The following SUCLA2 variants were observed in gnomAD, a reference collection of about 807,000 sequenced individuals.
SUCLA2 encodes the protein succinate--CoA ligase [ADP-forming] subunit beta, mitochondrial.
A neutral mutation model predicts 54.8 loss-of-function variants in SUCLA2; 30 were observed. The observed-to-expected ratio is 0.55, with a 90% CI of 0.41 to 0.74. The LOEUF is 0.74. Ranked by LOEUF, SUCLA2 falls within the 30% of genes least tolerant of loss-of-function variation. The pLI, the probability that SUCLA2 is intolerant of heterozygous loss-of-function variation, is 0.00. For missense variants in SUCLA2, 476 were observed against 562.9 expected (o/e 0.85, Z 1.56); for synonymous variants, 172 against 188.9 (o/e 0.91, Z 0.74).
intron 2 of SUCLA2, among the ~76,000 whole-genome samples, chr13:47,994,154 C>A (rs9534901): frequency 0.73 from 110,703 of 151,810 alleles, 41,297 homozygotes; most frequent in Non-Finnish European, 0.82. Flanking sequence ...GTAATGAAAA[C>A]TCAGCATTGG....
chr13:47,987,684 C>T (rs1950114304), intron 4 of SUCLA2: 1 of 151,960 alleles, frequency 6.6e-6, no homozygotes, highest in Non-Finnish European at 1.5e-5. Context: ...AATCACAATA[C>T]AGAAAGTTGT....
intron 4 of SUCLA2, among the ~76,000 whole-genome samples, chr13:47,975,024 T>C (rs1949999126): frequency 6.6e-6 from 1 of 152,172 alleles, no homozygotes; most frequent in Non-Finnish European, 1.5e-5. Flanking sequence ...ATTAAAAGAC[T>C]TTTGTTATTT....
intron 6 of SUCLA2, among the ~76,000 whole-genome samples, chr13:47,963,529 CA>C (rs1451736500): frequency 6.6e-6 from 1 of 152,106 alleles, no homozygotes; most frequent in Non-Finnish European, 1.5e-5. Context: ...CCTGTAATCC[CA>C]GCTACTCGGG....
chr13:47,969,636 A>G (rs896500885), intron 5 of SUCLA2, among the ~76,000 whole-genome samples: 1 of 152,380 alleles, frequency 6.6e-6, no homozygotes, highest in East Asian at 1.9e-4. Context: ...TTATTCTAAC[A>G]GTGCTGCCAC....
At chr13:47,953,718 G>A (rs1216853219) in intron 8 of SUCLA2, among the ~76,000 whole-genome samples, 1 of 152,008 alleles carries the variant, frequency 6.6e-6, no homozygotes, top group Non-Finnish European at 1.5e-5. Flanking sequence ...AGAATTCTCG[G>A]TTTAAATCCA....
intron 10 of SUCLA2, among the ~76,000 whole-genome samples, chr13:47,947,875 A>G (rs936129296): frequency 1.3e-5 from 2 of 152,212 alleles, no homozygotes; most frequent in African/African-American, 4.8e-5. Flanking sequence ...TAAACCACAG[A>G]AAATACTTTT....
intron 4 of SUCLA2, among the ~76,000 whole-genome samples, chr13:47,986,594 C>T (rs1465878973): frequency 1.3e-5 from 2 of 152,082 alleles, no homozygotes; most frequent in African/African-American, 2.4e-5. Context: ...TTGCTTTTGG[C>T]GTTTTCATCA....
intron 5 of SUCLA2, chr13:47,971,847 A>T: frequency 2.5e-6 from 1 of 398,618 alleles, no homozygotes; most frequent in East Asian, 3.6e-5. Flanking sequence ...ACGAAAAACA[A>T]TGAATAATAA....
chr13:47,974,527 C>T (rs1286692860), intron 4 of SUCLA2, among the ~76,000 whole-genome samples: 5 of 152,142 alleles, frequency 3.3e-5, no homozygotes, highest in African/African-American at 7.2e-5. Context: ...ATCAAGGCTG[C>T]AGTCAGCTGT....
At chr13:47,954,051 T>C in intron 8 of SUCLA2, 89 bp downstream of exon 8, 1 of 1,174,326 alleles carries the variant, frequency 8.5e-7, no homozygotes, top group Non-Finnish European at 1.1e-6. Flanking sequence ...ATATGAATTC[T>C]AAATTCTAAA....
At chr13:47,988,019 G>A (rs1950117004) in intron 4 of SUCLA2, 1 of 153,424 alleles carries the variant, frequency 6.5e-6, no homozygotes, top group African/African-American at 2.4e-5. Flanking sequence ...CTGTGCTAAT[G>A]TAATACTCCT....
intron 2 of SUCLA2, among the ~76,000 whole-genome samples, chr13:47,989,239 C>T (rs932490749): frequency 5.6e-5 from 8 of 143,904 alleles, no homozygotes; most frequent in South Asian, 2.2e-4. Context: ...GAAACAGAGT[C>T]TCGCTCTGTC....
At chr13:47,972,434 C>T (rs1464217600) in intron 5 of SUCLA2, among the ~76,000 whole-genome samples, 2 of 151,790 alleles carry the variant, frequency 1.3e-5, no homozygotes, top group African/African-American at 2.4e-5. Context: ...TTTGGGAGGC[C>T]GAGGCGGGTG....
intron 6 of SUCLA2, among the ~76,000 whole-genome samples, chr13:47,956,555 T>C (rs773267902): frequency 2.6e-5 from 4 of 152,186 alleles, no homozygotes; most frequent in Non-Finnish European, 5.9e-5. Context: ...ATTTGCAGAA[T>C]AATGGAAACA....
In SUCLA2 at chr13:47,968,742, AAT is replaced by A. The variant is rs1491338232; in HGVS notation, c.664-11_664-10del. 44 of 1,612,224 alleles carry A rather than the reference AAT, an allele frequency of 2.7e-5. No homozygotes were observed. The highest frequency in any genetic ancestry group is 1.2e-4 in the Admixed American group (7 of 60,024). On this transcript the variant is annotated splice_polypyrimidine_tract_variant and intron_variant, in intron 5 of 10. Coordinates refer to ENST00000646932, the MANE Select transcript of SUCLA2 (RefSeq NM_003850.3). ...CCCATCTTCTGTGCAAGCTGAAATC[AAT>A]ATGTCTTTTTATTATAGGTAGTTTG...
chr13:48,000,778 C>G, intron 1 of SUCLA2: 1 of 897,152 alleles, frequency 1.1e-6, no homozygotes, highest in Non-Finnish European at 1.4e-6. Context: ...TCCCAAGAAA[C>G]ACAAAAGTAC....
At chr13:47,976,580 A>G (rs1275143565) in intron 4 of SUCLA2, among the ~76,000 whole-genome samples, 1 of 152,210 alleles carries the variant, frequency 6.6e-6, no homozygotes, top group Non-Finnish European at 1.5e-5. Context: ...ACACAGGCTC[A>G]TGGCAGTACC....
intron 6 of SUCLA2, among the ~76,000 whole-genome samples, chr13:47,954,873 T>A (rs947304468): frequency 2.0e-5 from 3 of 152,076 alleles, no homozygotes; most frequent in Non-Finnish European, 2.9e-5. Context: ...GCTAACCCCA[T>A]CACTTGGGCC....
intron 4 of SUCLA2, among the ~76,000 whole-genome samples, chr13:47,985,557 G>A (rs143015726): frequency 2.0e-5 from 3 of 152,162 alleles, no homozygotes; most frequent in Non-Finnish European, 2.9e-5. Context: ...TCCCTGCAAA[G>A]GACATAATCT....
Sources: gnomAD v4.1 joint callset for allele counts (sites outside exome capture counted in the v4.1 genomes callset) on GRCh38, gnomAD v4.1.1 for gene constraint, MANE v1.5 for transcripts, NCBI Gene and HGNC (gene_info 2026-07-23, HGNC 2026-07-21) for gene names.